DYNC2H1: variants seen among roughly 807,000 people sequenced by gnomAD.
DYNC2H1 encodes the protein cytoplasmic dynein 2 heavy chain 1.
In DYNC2H1, 410 loss-of-function variants were observed where a neutral mutation model predicts 570.0. That is an observed-to-expected ratio of 0.72 (90% CI 0.66 to 0.78). DYNC2H1 has a LOEUF of 0.78. Among genes scored for constraint, DYNC2H1 ranks in the 30% least tolerant of loss-of-function variants. DYNC2H1 has a pLI of 0.00. For synonymous variants in DYNC2H1, 1,688 were observed against 1,677.6 expected (o/e 1.01, Z -0.15); for missense variants, 4,865 against 5,046.4 (o/e 0.96, Z 1.09).
intron 83 of DYNC2H1, among the ~76,000 whole-genome samples, chr11:103,359,228 G>A (rs955005018): frequency 2.6e-5 from 4 of 152,166 alleles, no homozygotes; most frequent in East Asian, 3.8e-4. Flanking sequence ...TAAGAAATCC[G>A]TTGATGTGAT....
rs369213231 is a variant in DYNC2H1, at chr11:103,476,454, C to CT, written c.12766-2640dup. On this transcript the variant is annotated intron_variant, in intron 88 of 88. Transcript: ENST00000375735. ...ATTATTTTCTCTATTTCTCTATGTA[C>CT]TGAAATGCTTAGCCTTTACAATTCT... 1.9e-3 allele frequency among the ~76,000 whole-genome samples: 290 copies of CT among 152,210 alleles called. 3 individuals are homozygous for CT. Among genetic ancestry groups the CT allele is most frequent in the African/African-American group, 6.6e-3 (276 of 41,520 alleles).
intron 71 of DYNC2H1, 159 bp from the exon 72 acceptor site, chr11:103,282,020 C>A: frequency 1.2e-4 from 59 of 497,952 alleles, no homozygotes; most frequent in Non-Finnish European, 1.3e-4. Flanking sequence ...CACATTAATT[C>A]ATTCTTGATA....
Position 103,181,925 on chromosome 11 carries a change from G to A in DYNC2H1, c.6477+39G>A. 10 of 1,583,860 alleles carry A rather than the reference G, an allele frequency of 6.3e-6. No individual in the cohort carries two copies. Among genetic ancestry groups the A allele is most frequent in the Non-Finnish European group, 7.7e-6 (9 of 1,162,506 alleles). The stretch of plus-strand genomic sequence containing the variant: ...AATATTTCATAATTAATCGAGGTGA[G>A]AAGTATGATTAAGAGTGATGCTTAT... On this transcript the variant is annotated intron_variant, in intron 40 of 88. Coordinates refer to ENST00000375735, the MANE Select transcript of DYNC2H1 (RefSeq NM_001377.3). This position sits in a 1 kb window ranked among gnomAD's most constrained non-coding sequence, Gnocchi z 5.0.
chr11:103,445,246 C>G (rs1235831705), intron 85 of DYNC2H1, among the ~76,000 whole-genome samples: 1 of 152,104 alleles, frequency 6.6e-6, no homozygotes, highest in Non-Finnish European at 1.5e-5. Flanking sequence ...ATTTGAAAGA[C>G]TTTATTTTTC....
rs368556833 is a variant in DYNC2H1 at position 103,154,598 on chromosome 11, C to T, written c.3450C>T (p.Ile1150=). 6.9e-6 allele frequency: 11 copies of T among 1,594,608 alleles called. No homozygotes were observed. The highest frequency in any genetic ancestry group is 9.4e-6 in the Non-Finnish European group (11 of 1,172,460). ...AGGAAATGGCCAATGAAGACTGGAT[C>T]ACTTTTCGGTTTGATTCAAAAACAA... The part of the protein sequence containing the change: ...GFQEMANEDW[I]TFRTKTYLFE... The change falls in exon 23 of 89, where the codon ATC becomes ATT. Residue 1150 remains isoleucine (I), a synonymous_variant. Coordinates refer to ENST00000375735, the MANE Select transcript of DYNC2H1 (RefSeq NM_001377.3).
intron 44 of DYNC2H1, 65 bp downstream of exon 44, chr11:103,188,713 T>A: frequency 8.0e-7 from 1 of 1,249,824 alleles, no homozygotes; most frequent in Non-Finnish European, 1.1e-6. Context: ...GAATTTTATT[T>A]AAAGTATTTA....
At chr11:103,233,365 A>G (rs1019615123) in intron 60 of DYNC2H1, among the ~76,000 whole-genome samples, 2 of 151,868 alleles carry the variant, frequency 1.3e-5, no homozygotes, top group Non-Finnish European at 2.9e-5. Flanking sequence ...TTGAATGACT[A>G]AATAATCATG....
intron 85 of DYNC2H1, among the ~76,000 whole-genome samples, chr11:103,441,777 A>G (rs934393220): frequency 2.0e-5 from 3 of 152,126 alleles, no homozygotes; most frequent in Non-Finnish European, 2.9e-5. Context: ...TCCACAATCT[A>G]TCATTTGAAG....
intron 83 of DYNC2H1, among the ~76,000 whole-genome samples, chr11:103,361,380 G>A (rs1028825147): frequency 1.3e-5 from 2 of 152,178 alleles, no homozygotes; most frequent in African/African-American, 4.8e-5. Context: ...ATCTGCTGGT[G>A]TCTTGATCTT....
intron 83 of DYNC2H1, among the ~76,000 whole-genome samples, chr11:103,376,547 G>A (rs187067855): frequency 6.6e-6 from 1 of 152,190 alleles, no homozygotes; most frequent in African/African-American, 2.4e-5. Context: ...ATTTTAAGCT[G>A]ATAATGTAAC....
At chr11:103,258,572 G>A (rs556217150) in intron 69 of DYNC2H1, among the ~76,000 whole-genome samples, 2 of 152,106 alleles carry the variant, frequency 1.3e-5, no homozygotes, top group South Asian at 4.1e-4. Flanking sequence ...GGTGCTGTGG[G>A]TTGGGAGGAC....
chr11:103,297,811 C>T (rs1316275216), intron 75 of DYNC2H1, among the ~76,000 whole-genome samples: 2 of 151,990 alleles, frequency 1.3e-5, no homozygotes, highest in Non-Finnish European at 2.9e-5. Context: ...ATTTTATTTG[C>T]TTTATTAGTA....
intron 82 of DYNC2H1, among the ~76,000 whole-genome samples, chr11:103,333,266 T>G (rs369381970): frequency 4.0e-4 from 61 of 152,236 alleles, no homozygotes; most frequent in African/African-American, 1.3e-3. Flanking sequence ...ATGTGTTGTT[T>G]GTTTCTTTGT....
chr11:103,154,469 T>C lies in DYNC2H1; in HGVS notation c.3321T>C (p.Phe1107=), dbSNP rs1182325179. The C allele has an allele frequency of 6.5e-7, 1 of 1,542,210 alleles. No individual in the cohort carries two copies. Among genetic ancestry groups the C allele is most frequent in the South Asian group, 1.3e-5 (1 of 79,196 alleles). ...TCTATAGTGATGATTGCCATCATTTTAGACTGGAAGAGCCTAATTTCTCCC... is the reference window on the plus strand; with the variant it reads ...TCTATAGTGATGATTGCCATCATTTCAGACTGGAAGAGCCTAATTTCTCCC... ...RKKLVDDCHH[F]RLEEPNFSLA... The change falls in exon 23 of 89, where the codon TTT becomes TTC. Residue 1107 remains phenylalanine, a synonymous_variant. Coordinates refer to ENST00000375735, the MANE Select transcript of DYNC2H1 (RefSeq NM_001377.3).
chr11:103,259,000 A>G (rs561714136), intron 69 of DYNC2H1, among the ~76,000 whole-genome samples: 4 of 152,334 alleles, frequency 2.6e-5, no homozygotes, highest in African/African-American at 9.6e-5. Flanking sequence ...CAAGGCTAGA[A>G]GCCTAGGATT....
At chr11:103,178,802 A>T (rs2134999424) in intron 38 of DYNC2H1, among the ~76,000 whole-genome samples, 2 of 151,874 alleles carry the variant, frequency 1.3e-5, no homozygotes, top group Admixed American at 1.3e-4. Flanking sequence ...TAAGCCTTGC[A>T]TTTTTTTTAG....
chr11:103,249,362 T>C lies in DYNC2H1; in HGVS notation c.10043-3923T>C, dbSNP rs115300032. The stretch of plus-strand genomic sequence containing the variant: ...AGAAAAACTTTTTTTATTTTAACTT[T>C]TTATTTAAAAATAAATATGCGTAAA... On this transcript the variant is annotated intron_variant, in intron 65 of 88. Coordinates refer to ENST00000375735, the MANE Select transcript of DYNC2H1 (RefSeq NM_001377.3). This position sits in a 1 kb window ranked among gnomAD's most constrained non-coding sequence, Gnocchi z 4.6. Among the ~76,000 whole-genome samples the C allele has an allele frequency of 0.026, 3,929 of 152,098 alleles. 172 individuals carry two copies. Among genetic ancestry groups the C allele is most frequent in the African/African-American group, 0.088 (3,645 of 41,518 alleles).
intron 88 of DYNC2H1, 141 bp downstream of exon 88, chr11:103,468,846 G>C: frequency 1.6e-6 from 1 of 606,452 alleles, no homozygotes; most frequent in Non-Finnish European, 2.8e-6. Flanking sequence ...GCAGTCAAAA[G>C]TACTTTATCC....
chr11:103,354,022 C>G (rs1940189672), intron 82 of DYNC2H1, among the ~76,000 whole-genome samples: 1 of 151,512 alleles, frequency 6.6e-6, no homozygotes, highest in South Asian at 2.1e-4. Context: ...ATTAAAAATA[C>G]AAAAATTACC....
Sources: allele counts gnomAD v4.1 joint callset (sites outside exome capture counted in the v4.1 genomes callset), GRCh38; gene constraint gnomAD v4.1.1; non-coding constraint Gnocchi (gnomAD v3.1); transcripts MANE v1.5; gene names NCBI Gene and HGNC (gene_info 2026-07-23, HGNC 2026-07-21).